The following STK31 variants were observed in gnomAD, a reference collection of about 807,000 sequenced individuals.
The protein encoded by STK31 is serine/threonine kinase 31, also known as serine/threonine-protein kinase 31.
In STK31, 89 loss-of-function variants were observed where a neutral mutation model predicts 129.7. The observed-to-expected ratio is 0.69, with a 90% CI of 0.58 to 0.82. STK31 has a LOEUF of 0.82. STK31 is among the 40% of genes least tolerant of loss of function. STK31 has a pLI of 0.00. For synonymous variants in STK31, 448 were observed against 395.3 expected, an observed-to-expected ratio of 1.13 and a Z score of -1.58; for missense variants, 1,187 against 1,176.4, an observed-to-expected ratio of 1.01 and a Z score of -0.13.
At chr7:23,779,125 G>T (rs922401066) in intron 15 of STK31, among the ~76,000 whole-genome samples, 16 of 152,174 alleles carry the variant, frequency 1.1e-4, no homozygotes, top group African/African-American at 3.4e-4. Flanking sequence ...GAGTTTGCTG[G>T]AAGTCCATTG....
intron 6 of STK31, among the ~76,000 whole-genome samples, chr7:23,732,969 G>A (rs899991667): frequency 2.0e-5 from 3 of 152,068 alleles, no homozygotes; most frequent in Admixed American, 1.3e-4. Flanking sequence ...ATATTTTGAG[G>A]TTGTTAGCTT....
At chr7:23,754,167 A>T (rs1788902947) in intron 9 of STK31, 148 bp from the exon 10 acceptor site, 1 of 564,552 alleles carries the variant, frequency 1.8e-6, no homozygotes, top group East Asian at 3.2e-5. Context: ...TAAGTTATAC[A>T]TGATTTTATA....
chr7:23,790,946 G>T lies in STK31; in HGVS notation c.2760G>T (p.Trp920Cys). 6.5e-7 allele frequency: 1 copy of T among 1,540,898 alleles called. No individual in the cohort carries two copies. Among genetic ancestry groups the T allele is most frequent in the Non-Finnish European group, 8.7e-7 (1 of 1,150,822 alleles). The change falls in exon 22 of 24, where the codon TGG becomes TGT. Residue 920 changes from tryptophan to cysteine, a missense_variant and splice_region_variant. Trp to Cys is a radical substitution (Grantham distance 215). Around this residue, in one of 5 missense-constraint regions of STK31, gnomAD observed 975 missense variants for 934.9 expected, o/e 1.04. Transcript: ENST00000355870. ...DLYAYGCLLLWLSVQNQEFEI... is the reference protein window; with the variant it reads ...DLYAYGCLLLCLSVQNQEFEI... ...ATGCTTATGGCTGCCTCTTATTATGGGTATGTTATTTTTTTGTTGAAATAG... is the reference window on the plus strand; with the variant it reads ...ATGCTTATGGCTGCCTCTTATTATGTGTATGTTATTTTTTTGTTGAAATAG...
intron 22 of STK31, among the ~76,000 whole-genome samples, chr7:23,796,603 C>A (rs184904627): frequency 6.6e-6 from 1 of 152,128 alleles, no homozygotes; most frequent in Non-Finnish European, 1.5e-5. Context: ...AGTGTAATAA[C>A]CACTGCCACA....
At chr7:23,739,298 T>G (rs1167383290) in intron 8 of STK31, among the ~76,000 whole-genome samples, 1 of 152,180 alleles carries the variant, frequency 6.6e-6, no homozygotes. Flanking sequence ...CTGTTCATAT[T>G]CTTTGCCCAC....
intron 23 of STK31, among the ~76,000 whole-genome samples, chr7:23,817,539 G>T (rs577685326): frequency 1.3e-5 from 2 of 152,292 alleles, no homozygotes; most frequent in South Asian, 4.1e-4. Flanking sequence ...ACAAGTCAAG[G>T]CTCTGTAGTC....
At chr7:23,736,680 T>A (rs1044462558) in intron 7 of STK31, among the ~76,000 whole-genome samples, 5 of 152,072 alleles carry the variant, frequency 3.3e-5, no homozygotes, top group African/African-American at 1.2e-4. Flanking sequence ...GAAGTTGGAA[T>A]ATTTTTTTTT....
rs142971855 is a variant in STK31, at chr7:23,769,014, A to C, written c.1436A>C (p.Glu479Ala). 6 of 1,603,156 alleles carry C rather than the reference A, an allele frequency of 3.7e-6. No homozygotes were observed. Among genetic ancestry groups the C allele is most frequent in the Non-Finnish European group, 5.1e-6 (6 of 1,176,364 alleles). The part of the protein sequence containing the change: ...KTLQDLSVSL[E>A]AVYGQAKEGA... ...CTGCAGGATTTGTCAGTCTCTTTAG[A>C]AGCAGTGTATGGACAAGCCAAAGAA... Residue 479 changes from glutamate to alanine, a missense_variant, in exon 12 of 24, where the codon GAA (glutamate) becomes GCA (alanine). By Grantham distance (107) the Glu-to-Ala change is moderately radical (BLOSUM62 -1). Around this residue, in one of 5 missense-constraint regions of STK31, gnomAD observed 975 missense variants for 934.9 expected, o/e 1.04. Transcript: ENST00000355870.
intron 23 of STK31, 23 bp from the exon 24 acceptor site, chr7:23,832,113 G>A (rs1794587470): frequency 1.4e-5 from 22 of 1,546,434 alleles, no homozygotes; most frequent in Non-Finnish European, 2.0e-5. Flanking sequence ...CCTTTGTTTT[G>A]TAACACCTGT....
At chr7:23,730,876 A>T (rs71532909) in intron 6 of STK31, among the ~76,000 whole-genome samples, 12,330 of 59,108 alleles carry the variant, frequency 0.21, 1,379 homozygotes, top group Non-Finnish European at 0.3. Flanking sequence ...ATATATATAT[A>T]TATTTTTTTT....
chr7:23,801,776 A>C (rs564339267), intron 22 of STK31, among the ~76,000 whole-genome samples: 4 of 149,080 alleles, frequency 2.7e-5, no homozygotes, highest in African/African-American at 4.9e-5. Context: ...CAATTTTACA[A>C]CACCATTTTT....
chr7:23,756,722 G>C (rs1325814274), intron 10 of STK31, among the ~76,000 whole-genome samples: 1 of 152,142 alleles, frequency 6.6e-6, no homozygotes, highest in African/African-American at 2.4e-5. Context: ...TTTTATCGAA[G>C]CCCTTTCTGC....
At chr7:23,722,311 C>G (rs746759149) in intron 4 of STK31, 2 of 153,352 alleles carry the variant, frequency 1.3e-5, no homozygotes, top group African/African-American at 4.8e-5. Context: ...AGGACCTTCA[C>G]GTCCTCAGCT....
intron 22 of STK31, among the ~76,000 whole-genome samples, chr7:23,799,629 A>C (rs1412729553): frequency 6.6e-6 from 1 of 152,250 alleles, no homozygotes; most frequent in Non-Finnish European, 1.5e-5. Context: ...CTAAAACCAT[A>C]AAAGCCCTAG....
chr7:23,811,839 T>A (rs573677194), intron 22 of STK31, among the ~76,000 whole-genome samples: 1 of 152,346 alleles, frequency 6.6e-6, no homozygotes, highest in East Asian at 1.9e-4. Flanking sequence ...TCTAGTGATG[T>A]CAGCATTTCA....
At chr7:23,716,465 C>G (rs985921280) in intron 3 of STK31, among the ~76,000 whole-genome samples, 9 of 152,054 alleles carry the variant, frequency 5.9e-5, no homozygotes, top group African/African-American at 2.2e-4. Context: ...TTGTGGCTGT[C>G]TAATCCAGTT....
Position 23,781,533 on chromosome 7 carries a change from T to G in STK31, c.2067+13T>G. ...GAGAGAGGAATATGTAAGTATTTGG[T>G]TCTTTGAAGTTTTACATTAGGTTTT... On this transcript the variant is annotated intron_variant, in intron 16 of 23. Transcript: ENST00000355870. 1 of 1,577,342 alleles carries G rather than the reference T, an allele frequency of 6.3e-7. No individual in the cohort carries two copies. The highest frequency in any genetic ancestry group is 8.6e-7 in the Non-Finnish European group (1 of 1,157,302).
intron 5 of STK31, among the ~76,000 whole-genome samples, chr7:23,728,430 A>G (rs1787215906): frequency 6.6e-6 from 1 of 152,180 alleles, no homozygotes; most frequent in African/African-American, 2.4e-5. Context: ...TTGCTGTCAT[A>G]GAAAATGGTT....
chr7:23,717,414 A>C, intron 3 of STK31, 67 bp from the exon 4 acceptor site: 1 of 1,090,930 alleles, frequency 9.2e-7, no homozygotes. Context: ...CATGCTTAGA[A>C]CCCTCAAGCG....
Sources: allele counts gnomAD v4.1 joint callset (sites outside exome capture counted in the v4.1 genomes callset), GRCh38; gene constraint gnomAD v4.1.1; regional missense constraint gnomAD v4.1.1; transcripts MANE v1.5; gene names NCBI Gene and HGNC (gene_info 2026-07-23, HGNC 2026-07-21).